The following CEP112 variants were observed in gnomAD, a reference collection of about 807,000 sequenced individuals.
The protein encoded by CEP112 is centrosomal protein 112, also known as centrosomal protein of 112 kDa.
CEP112 carries 127 observed loss-of-function variants against 153.0 expected under a neutral mutation model. That is an observed-to-expected ratio of 0.83 (90% CI 0.72 to 0.96). The LOEUF is 0.96. Ranked by LOEUF, CEP112 falls within the 40% of genes least tolerant of loss-of-function variation. CEP112 has a pLI of 0.00. For synonymous variants in CEP112, 358 were observed against 374.4 expected (o/e 0.96, Z 0.51); for missense variants, 1,089 against 1,101.2 (o/e 0.99, Z 0.16).
intron 21 of CEP112, among the ~76,000 whole-genome samples, chr17:65,825,646 T>C (rs2056802523): frequency 6.6e-6 from 1 of 152,094 alleles, no homozygotes; most frequent in African/African-American, 2.4e-5. Flanking sequence ...TTAAATGTAC[T>C]TAACACCACT....
chr17:65,968,057 C>T (rs1416401751), intron 17 of CEP112, among the ~76,000 whole-genome samples: 1 of 152,028 alleles, frequency 6.6e-6, no homozygotes, highest in Admixed American at 6.6e-5. Context: ...TACATACAAA[C>T]TCACTAATGT....
intron 23 of CEP112, among the ~76,000 whole-genome samples, chr17:65,735,122 C>T (rs952759786): frequency 1.3e-5 from 2 of 152,184 alleles, no homozygotes; most frequent in Non-Finnish European, 2.9e-5. Context: ...GGCTGTCAGG[C>T]TCACAGTGGT....
chr17:66,156,609 C>A (rs1056445582), intron 4 of CEP112, among the ~76,000 whole-genome samples: 4 of 152,024 alleles, frequency 2.6e-5, no homozygotes, highest in Admixed American at 6.5e-5. Context: ...ATGTTCTAAC[C>A]CAATGCAAGG....
At chr17:65,839,875 A>G (rs1186964155) in intron 21 of CEP112, among the ~76,000 whole-genome samples, 1 of 152,050 alleles carries the variant, frequency 6.6e-6, no homozygotes, top group Non-Finnish European at 1.5e-5. Flanking sequence ...CTATACACCA[A>G]CAGTGAACAA....
chr17:66,042,514 C>T (rs146191288), intron 12 of CEP112, among the ~76,000 whole-genome samples: 1 of 151,924 alleles, frequency 6.6e-6, no homozygotes, highest in African/African-American at 2.4e-5. Flanking sequence ...ATATGCCTAA[C>T]CAGTCAATAC....
chr17:65,741,420 T>A (rs1267514041), intron 23 of CEP112, among the ~76,000 whole-genome samples: 1 of 151,832 alleles, frequency 6.6e-6, no homozygotes, highest in East Asian at 1.9e-4. Flanking sequence ...TTACCTATAT[T>A]GTAATTTTAA....
Position 65,885,490 on chromosome 17 carries a change from T to TA in CEP112, c.2163+16661dup, listed in dbSNP as rs895937826. On this transcript the variant is annotated intron_variant, in intron 20 of 26. Coordinates refer to ENST00000535342, the MANE Select transcript of CEP112 (RefSeq NM_001199165.4). Reference sequence around the variant, plus strand: ...TTTAAAGTTATGTTGTTTTCCTTTTTAAAAAAAAAACGGTTTGAATTAACT... The same window carrying TA: ...TTTAAAGTTATGTTGTTTTCCTTTTTAAAAAAAAAAACGGTTTGAATTAACT... 8.7e-4 allele frequency among the ~76,000 whole-genome samples: 130 copies of TA among 148,880 alleles called. 1 individual carries two copies. The highest frequency in any genetic ancestry group is 6.5e-4 in the South Asian group (3 of 4,642).
In CEP112 at chr17:66,053,801, G is replaced by C. The variant is rs1173591762; in HGVS notation, c.1153C>G (p.Leu385Val). 1.2e-6 allele frequency: 2 copies of C among 1,613,050 alleles called. No individual in the cohort carries two copies. The highest frequency in any genetic ancestry group is 2.7e-5 in the African/African-American group (2 of 74,878). ...TTCAGACGCACATTTGTATCCTCAA[G>C]CAATTCTTGAATGTTTTCAGTGTGT... ...KQHTENIQEL[L>V]EDTNVRLNKM... The change falls in exon 12 of 27, where the codon CTT (leucine) becomes GTT (valine). Residue 385 changes from leucine to valine, a missense_variant. Physicochemically the swap from Leu to Val is conservative, Grantham distance 32. Transcript: ENST00000535342.
chr17:65,636,093 T>G lies in CEP112; in HGVS notation c.2865-119A>C. ...TTGAAAAGGCTATTTGATATCAAAA[T>G]GTCATAATTTATGCTTATCTATAAG... On this transcript the variant is annotated intron_variant, in intron 26 of 26. Coordinates refer to ENST00000535342, the MANE Select transcript of CEP112 (RefSeq NM_001199165.4). 1.5e-5 allele frequency: 14 copies of G among 938,008 alleles called. 1 individual carries two copies. Among genetic ancestry groups the G allele is most frequent in the African/African-American group, 6.6e-5 (4 of 60,918 alleles). The allele number at this position is 938,008 out of a possible 1,614,324, so 58.1% of individuals were successfully genotyped here.
At chr17:66,040,270 C>A (rs1263478404) in intron 12 of CEP112, among the ~76,000 whole-genome samples, 1 of 152,064 alleles carries the variant, frequency 6.6e-6, no homozygotes, top group Non-Finnish European at 1.5e-5. Flanking sequence ...TGTAGAGATA[C>A]TGAATTTACA....
At chr17:65,684,456 G>A (rs1032553105) in intron 24 of CEP112, among the ~76,000 whole-genome samples, 5 of 152,174 alleles carry the variant, frequency 3.3e-5, no homozygotes, top group African/African-American at 1.2e-4. Context: ...AGATTGGTAT[G>A]TTAGAATCTG....
chr17:65,957,073 C>CAATGTA (rs2062027997), intron 18 of CEP112, among the ~76,000 whole-genome samples: 1 of 152,100 alleles, frequency 6.6e-6, no homozygotes, highest in Admixed American at 6.5e-5. Flanking sequence ...GAACAGTGCA[C>CAATGTA]AATGTAAACC....
At chr17:65,719,325 A>G (rs188648134) in intron 23 of CEP112, among the ~76,000 whole-genome samples, 519 of 152,342 alleles carry the variant, frequency 3.4e-3, no homozygotes, top group Middle Eastern at 0.024. Context: ...CTGTAATCCC[A>G]GCACTTTGGG....
At chr17:65,755,728 A>C (rs1222347006) in intron 21 of CEP112, among the ~76,000 whole-genome samples, 1 of 152,000 alleles carries the variant, frequency 6.6e-6, no homozygotes, top group East Asian at 1.9e-4. Flanking sequence ...TTTTTGTCCT[A>C]AGCAACTAGA....
In CEP112 at chr17:65,918,535, T is replaced by C. The variant is rs569268388; in HGVS notation, c.1980+9047A>G. On this transcript the variant is annotated intron_variant, in intron 19 of 26. Coordinates refer to ENST00000535342, the MANE Select transcript of CEP112 (RefSeq NM_001199165.4). The stretch of plus-strand genomic sequence containing the variant: ...CCACTTGTTTATCTGCTGAACTACA[T>C]TTCTCCTTCAAGGCTTTGTAGTGGA... Among the ~76,000 whole-genome samples, 3 of 152,318 alleles carry C rather than the reference T, an allele frequency of 2.0e-5. No individual in the cohort carries two copies. In the East Asian group the frequency reaches 5.8e-4, roughly 29 times the overall value.
Position 65,965,756 on chromosome 17 carries a change from A to C in CEP112, c.1737-4158T>G, listed in dbSNP as rs373384470. ...AGGCTGGTCTCAAACTCCTGGACTCAAGCGATCCACCCCGGTCTCCTAAAG... is the reference window on the plus strand; with the variant it reads ...AGGCTGGTCTCAAACTCCTGGACTCCAGCGATCCACCCCGGTCTCCTAAAG... On this transcript the variant is annotated intron_variant, in intron 17 of 26. Transcript: ENST00000535342. Among the ~76,000 whole-genome samples, 37 of 152,124 alleles carry C rather than the reference A, an allele frequency of 2.4e-4. No homozygotes were observed. The East Asian group carries it at 5.4e-3, about 22-fold the overall frequency.
chr17:65,930,056 T>C (rs2061068563), intron 18 of CEP112, among the ~76,000 whole-genome samples: 1 of 152,206 alleles, frequency 6.6e-6, no homozygotes, highest in South Asian at 2.1e-4. Flanking sequence ...GACAATATTT[T>C]TTGTCTGAGG....
At chr17:66,123,902 CATTATA>C (rs1333316796) in intron 6 of CEP112, among the ~76,000 whole-genome samples, 5 of 152,220 alleles carry the variant, frequency 3.3e-5, no homozygotes, top group African/African-American at 1.2e-4. Context: ...TTATCTTAAT[CATTATA>C]ATTATATTGT....
In CEP112 at chr17:65,650,025, C is replaced by T. The variant is rs531415013; in HGVS notation, c.2698-8960G>A. ...AGGCCCTGTACTGTCTGGCCCTATC[C>T]ACCTGCTAACCTCCTGCAACTCCAG... is the stretch of plus-strand genomic sequence containing the variant. On this transcript the variant is annotated intron_variant, in intron 24 of 26. Transcript: ENST00000535342. Among the ~76,000 whole-genome samples, 392 of 152,326 alleles carry T rather than the reference C, an allele frequency of 2.6e-3. 4 individuals are homozygous for T. The highest frequency in any genetic ancestry group is 8.8e-3 in the African/African-American group (367 of 41,580).
Sources: allele counts gnomAD v4.1 joint callset (sites outside exome capture counted in the v4.1 genomes callset), GRCh38; gene constraint gnomAD v4.1.1; transcripts MANE v1.5; gene names NCBI Gene and HGNC (gene_info 2026-07-23, HGNC 2026-07-21).